Variants in VRTN observed in about 807,000 individuals in gnomAD.
VRTN encodes vertebrae development associated.
A neutral mutation model predicts 18.2 loss-of-function variants in VRTN; 5 were observed. That is an observed-to-expected ratio of 0.27 (90% confidence interval 0.14 to 0.58). The LOEUF (loss-of-function observed/expected upper bound fraction) is 0.58. Among genes scored for constraint, VRTN ranks in the 20% least tolerant of loss-of-function variants. The pLI is 0.91. For synonymous variants in VRTN, 381 were observed against 393.7 expected (o/e 0.97, Z 0.38); for missense variants, 741 against 939.4 (o/e 0.79, Z 2.76).
intron 1 of VRTN, among the ~76,000 whole-genome samples, chr14:74,321,651 T>C (rs1270656998): frequency 6.6e-6 from 1 of 151,246 alleles, no homozygotes. Flanking sequence ...ATTACAGGCA[T>C]GCGCCACCAT....
In VRTN at chr14:74,349,877, T is replaced by C. The variant is rs913649898; in HGVS notation, c.-2+1225T>C. 1.2e-4 allele frequency among the ~76,000 whole-genome samples: 18 copies of C among 152,306 alleles called. 3 individuals carry two copies. Among genetic ancestry groups the C allele is most frequent in the Admixed American group, 1.1e-3 (17 of 15,294 alleles). ...TGGATGCCTCTGGATGTCCTGCCTT[T>C]ACCCCCGCCCTTCTAATCTCAGGCA... is the stretch of plus-strand genomic sequence containing the variant. On this transcript the variant is annotated intron_variant, in intron 1 of 1. Coordinates refer to ENST00000256362, the MANE Select transcript of VRTN (RefSeq NM_018228.3).
chr14:74,303,470 G>A (rs1392587262), intron 1 of VRTN, among the ~76,000 whole-genome samples: 1 of 152,178 alleles, frequency 6.6e-6, no homozygotes, highest in Non-Finnish European at 1.5e-5. Context: ...AGAATCACTT[G>A]GGCCCGGAAG....
chr14:74,353,478 T>C (rs912991535), intron 1 of VRTN, among the ~76,000 whole-genome samples: 4 of 152,092 alleles, frequency 2.6e-5, no homozygotes, highest in African/African-American at 7.2e-5. Context: ...AGTTATTAGA[T>C]CTTTGTGCAG....
At chr14:74,307,570 T>C (rs1403643912) in intron 1 of VRTN, among the ~76,000 whole-genome samples, 1 of 152,112 alleles carries the variant, frequency 6.6e-6, no homozygotes, top group Non-Finnish European at 1.5e-5. Context: ...ATTACACCAA[T>C]ACTAAACTTG....
intron 1 of VRTN, among the ~76,000 whole-genome samples, chr14:74,323,648 C>T (rs1293555708): frequency 6.6e-6 from 1 of 151,828 alleles, no homozygotes; most frequent in East Asian, 1.9e-4. Context: ...GCTTGACTCC[C>T]AGAGATTCTA....
chr14:74,314,841 G>A (rs1370554634), intron 1 of VRTN, among the ~76,000 whole-genome samples: 2 of 152,314 alleles, frequency 1.3e-5, no homozygotes, highest in East Asian at 3.9e-4. Context: ...ATTCTTCTTG[G>A]CCTGTTTGTG....
chr14:74,345,346 ATTTTTTTTTTT>A (rs34124259), upstream of VRTN, among the ~76,000 whole-genome samples: 1 of 94,650 alleles, frequency 1.1e-5, no homozygotes, highest in African/African-American at 4.6e-5. Flanking sequence ...CACCCTGCCT[ATTTTTTTTTTT>A]TTTTTTTTTT....
At position 74,359,014 on chromosome 14, in the gene VRTN, G is replaced by A. The variant is rs916952584; in HGVS notation, c.*122G>A. On this transcript the variant is annotated 3_prime_UTR_variant, in exon 2 of 2. Coordinates refer to ENST00000256362, the MANE Select transcript of VRTN (RefSeq NM_018228.3). ...CTGGGTCCCACAGTGTCTACCCTAA[G>A]TCCAAGGGTATATTTGTGTTATTTT... is the stretch of plus-strand genomic sequence containing the variant. 6 of 1,438,814 alleles carry A rather than the reference G, an allele frequency of 4.2e-6. No individual in the cohort carries two copies. The highest frequency in any genetic ancestry group is 5.5e-6 in the Non-Finnish European group (6 of 1,092,380). 89.1% of individuals were successfully genotyped at this position (1,438,814 alleles called of 1,614,324 possible). A position where few individuals can be genotyped will look rare whatever the true frequency, so the allele number is the denominator to read the frequency against.
chr14:74,303,963 T>C (rs2085233901), intron 1 of VRTN, among the ~76,000 whole-genome samples: 1 of 150,080 alleles, frequency 6.7e-6, no homozygotes, highest in Non-Finnish European at 1.5e-5. Context: ...GCCATCCTCC[T>C]GCCTCAGCCT....
upstream of VRTN, among the ~76,000 whole-genome samples, chr14:74,344,720 T>C (rs1045819229): frequency 9.8e-5 from 3 of 30,756 alleles, no homozygotes; most frequent in Non-Finnish European, 1.7e-4. Context: ...GAGCAACAGA[T>C]GGAGACTCTG....
chr14:74,346,656 A>T (rs1299902965), upstream of VRTN, among the ~76,000 whole-genome samples: 1 of 152,242 alleles, frequency 6.6e-6, no homozygotes. Context: ...GAACTGGATT[A>T]GAACAAAATA....
At chr14:74,320,070 T>C (rs118112143) in intron 1 of VRTN, among the ~76,000 whole-genome samples, 2,669 of 151,872 alleles carry the variant, frequency 0.018, 80 homozygotes, top group Admixed American at 0.088. Flanking sequence ...CCTCCCTCTT[T>C]ACAAAAAAAT....
intron 1 of VRTN, among the ~76,000 whole-genome samples, chr14:74,328,909 C>T (rs934949640): frequency 3.3e-5 from 5 of 151,284 alleles, no homozygotes; most frequent in Admixed American, 2.6e-4. Flanking sequence ...CTGAAGTGGG[C>T]GGATCACCTG....
At chr14:74,318,395 C>T (rs1254667846) in intron 1 of VRTN, among the ~76,000 whole-genome samples, 5 of 151,564 alleles carry the variant, frequency 3.3e-5, no homozygotes, top group South Asian at 2.1e-4. Context: ...CTCAGCCTCC[C>T]GAGTAGCTGA....
rs2085760451 is a variant in VRTN at position 74,358,998 on chromosome 14, A to G, written c.*106A>G. 3 of 1,465,578 alleles carry G rather than the reference A, an allele frequency of 2.0e-6. No individual in the cohort carries two copies. The highest frequency in any genetic ancestry group is 2.7e-5 in the Admixed American group (1 of 36,790). 90.8% of individuals were successfully genotyped at this position (1,465,578 alleles called of 1,614,324 possible). A position where few individuals can be genotyped will look rare whatever the true frequency, so the allele number is the denominator to read the frequency against. On this transcript the variant is annotated 3_prime_UTR_variant, in exon 2 of 2. Coordinates refer to ENST00000256362, the MANE Select transcript of VRTN (RefSeq NM_018228.3). This position sits in a 1 kb window ranked among gnomAD's most constrained non-coding sequence, Gnocchi z 5.4. ...CAGGATGTCCTTTGCTCTGGGTCCCACAGTGTCTACCCTAAGTCCAAGGGT... is the reference window on the plus strand; with the variant it reads ...CAGGATGTCCTTTGCTCTGGGTCCCGCAGTGTCTACCCTAAGTCCAAGGGT...
At chr14:74,303,631 A>G (rs192166575) in intron 1 of VRTN, among the ~76,000 whole-genome samples, 196 of 152,298 alleles carry the variant, frequency 1.3e-3, no homozygotes, top group African/African-American at 4.6e-3. Context: ...TTGACTGATT[A>G]GTACCCAAAG....
chr14:74,309,600 G>A lies in VRTN; in HGVS notation c.-164+6424G>A, dbSNP rs7159538. Reference sequence around the variant, plus strand: ...CTGCAGCCTCAACAACGGAGGCTAAGGCAGGAGGATTGCTTGAGCCCAGGA... The same window carrying A: ...CTGCAGCCTCAACAACGGAGGCTAAAGCAGGAGGATTGCTTGAGCCCAGGA... On this transcript the variant is annotated intron_variant, in intron 1 of 2. Coordinates refer to the VRTN transcript ENST00000557177. Among the ~76,000 whole-genome samples the A allele has an allele frequency of 2.9e-3, 442 of 152,280 alleles. 4 individuals carry two copies. The highest frequency in any genetic ancestry group is 0.01 in the African/African-American group (417 of 41,554).
At chr14:74,340,402 G>A (rs866733713) in intron 2 of VRTN, among the ~76,000 whole-genome samples, 16 of 148,742 alleles carry the variant, frequency 1.1e-4, no homozygotes, top group South Asian at 2.2e-4. Flanking sequence ...GTGAGCCACC[G>A]CGCCCGGCCA....
rs909940590 is a variant in VRTN at position 74,359,739 on chromosome 14, G to A, written c.*847G>A. On this transcript the variant is annotated 3_prime_UTR_variant, in exon 2 of 2. Transcript: ENST00000256362. ...CCCTGCAAGGAGTGTGGGACCAGGT[G>A]GGGCAAGGCTGGGAGATGCAGGCTC... 2.4e-5 allele frequency: 4 copies of A among 167,280 alleles called. No individual in the cohort carries two copies. The highest frequency in any genetic ancestry group is 5.9e-5 in the Non-Finnish European group (4 of 68,332). The allele number at this position is 167,280 out of a possible 1,614,324, so 10.4% of individuals were successfully genotyped here.
Sources: gnomAD v4.1 joint callset for allele counts (sites outside exome capture counted in the v4.1 genomes callset) on GRCh38, gnomAD v4.1.1 for gene constraint, Gnocchi (gnomAD v3.1) non-coding constraint, MANE v1.5 for transcripts, NCBI Gene and HGNC (gene_info 2026-07-23, HGNC 2026-07-21) for gene names.